The following KIF15 variants were observed in gnomAD, a reference collection of about 807,000 sequenced individuals.
KIF15 encodes the protein kinesin family member 15.
Under a neutral mutation model 190.6 loss-of-function variants are expected in KIF15, and 140 were observed. The observed-to-expected ratio is 0.73, with a 90% CI of 0.64 to 0.84. The LOEUF is 0.84. KIF15 is among the 40% of genes least tolerant of loss of function. The pLI is 0.00. For missense variants in KIF15, 1,372 were observed against 1,584.4 expected, an observed-to-expected ratio of 0.87 and a Z score of 2.28; for synonymous variants, 528 against 551.3, an observed-to-expected ratio of 0.96 and a Z score of 0.59.
Position 44,848,052 on chromosome 3 carries a change from G to T in KIF15, c.3763G>T (p.Ala1255Ser). The T allele has an allele frequency of 6.3e-7, 1 of 1,595,742 alleles. No individual in the cohort carries two copies. The highest frequency in any genetic ancestry group is 8.6e-7 in the Non-Finnish European group (1 of 1,165,454). Residue 1255 changes from alanine to serine, a missense_variant, in exon 31 of 35, where the codon GCA becomes TCA. Transcript: ENST00000326047. ...EQEESIKERL[A>S]KSKIVEEMLK... ...AGAAGAAAGTATCAAAGAAAGACTT[G>T]CAAAAGTAAGATTTTTTTTTATGTA...
intron 1 of KIF15, among the ~76,000 whole-genome samples, chr3:44,762,416 A>G (rs1191449224): frequency 2.6e-5 from 4 of 152,220 alleles, no homozygotes; most frequent in African/African-American, 9.6e-5. Context: ...TTTCACTTAA[A>G]GGAGACCCGT....
intron 20 of KIF15, among the ~76,000 whole-genome samples, chr3:44,820,365 T>G (rs1249320685): frequency 6.6e-6 from 1 of 152,124 alleles, no homozygotes; most frequent in Non-Finnish European, 1.5e-5. Context: ...TTTTATTTAT[T>G]TTTTATTGAT....
rs187591416 is a variant in KIF15, at chr3:44,845,426, T to A, written c.3695+2192T>A. ...AAGCAGTTTTGGAGATGGTGGGAACTACAACGATTTTGGTAATTACAACAA... is the reference window on the plus strand; with the variant it reads ...AAGCAGTTTTGGAGATGGTGGGAACAACAACGATTTTGGTAATTACAACAA... On this transcript the variant is annotated intron_variant, in intron 30 of 34. Coordinates refer to ENST00000326047, the MANE Select transcript of KIF15 (RefSeq NM_020242.3). Among the ~76,000 whole-genome samples the A allele has an allele frequency of 2.0e-5, 3 of 152,010 alleles. No individual in the cohort carries two copies. In the South Asian group the frequency reaches 6.2e-4, roughly 31 times the overall value.
chr3:44,848,623 G>T lies in KIF15; in HGVS notation c.3806+65G>T, dbSNP rs1029940002. The T allele has an allele frequency of 1.1e-5, 8 of 730,238 alleles. No homozygotes were observed. The African/African-American group carries it at 1.5e-4, about 13-fold the overall frequency. The allele number at this position is 730,238 out of a possible 1,614,324, so 45.2% of individuals were successfully genotyped here. ...TTTCCTTATTCTCCTCTAAAGGAAT[G>T]ATATACCACAAGGTAGGTAACTTCT... On this transcript the variant is annotated intron_variant, in intron 32 of 34. Coordinates refer to ENST00000326047, the MANE Select transcript of KIF15 (RefSeq NM_020242.3).
chr3:44,837,197 T>C (rs1698364398), intron 26 of KIF15, among the ~76,000 whole-genome samples: 1 of 152,240 alleles, frequency 6.6e-6, no homozygotes, highest in Non-Finnish European at 1.5e-5. Flanking sequence ...TCTAATCTTA[T>C]AACTGGTAAA....
chr3:44,846,053 A>G (rs915341676), intron 30 of KIF15, among the ~76,000 whole-genome samples: 2 of 152,212 alleles, frequency 1.3e-5, no homozygotes, highest in Non-Finnish European at 2.9e-5. Context: ...TGTTTGTTCT[A>G]AAGAGCCTGT....
At chr3:44,841,344 T>C in intron 29 of KIF15, 106 bp downstream of exon 29, 1 of 743,330 alleles carries the variant, frequency 1.3e-6, no homozygotes, top group Non-Finnish European at 2.2e-6. Context: ...AGCCACCCAG[T>C]ATCTGGCACT....
chr3:44,789,698 GATAC>G (rs1221840769), intron 7 of KIF15, among the ~76,000 whole-genome samples: 2 of 114,606 alleles, frequency 1.7e-5, no homozygotes, highest in Admixed American at 9.1e-5. Context: ...ATATAAAATA[GATAC>G]ATACACATAT....
In KIF15 at chr3:44,842,618, A is replaced by T. The variant is rs957985396; in HGVS notation, c.3586-507A>T. On this transcript the variant is annotated intron_variant, in intron 29 of 34. Transcript: ENST00000326047. ...CCAGATTGCCATGATCTTGAAACTT[A>T]GAAGAAACTGGGTCAGGTGAAACGA... is the stretch of plus-strand genomic sequence containing the variant. 1.2e-4 allele frequency among the ~76,000 whole-genome samples: 18 copies of T among 152,352 alleles called. 1 individual carries two copies. The South Asian group carries it at 2.7e-3, about 23-fold the overall frequency.
Position 44,834,768 on chromosome 3 carries a change from C to CA in KIF15, c.3172-3492dup, listed in dbSNP as rs745642643. Among the ~76,000 whole-genome samples, 1,107 of 120,790 alleles carry CA rather than the reference C, an allele frequency of 9.2e-3. 9 individuals are homozygous for CA. Among genetic ancestry groups the CA allele is most frequent in the African/African-American group, 0.027 (903 of 33,056 alleles). The allele number at this position is 120,790 out of a possible 152,430, so 79.2% of individuals were successfully genotyped here. A position where few individuals can be genotyped will look rare whatever the true frequency, so the allele number is the denominator to read the frequency against. ...TGAAACCCCGTCTCTACTAAAAATACAAAAAAAAAAAAAAATTACCTGGGC... is the reference window on the plus strand; with the variant it reads ...TGAAACCCCGTCTCTACTAAAAATACAAAAAAAAAAAAAAAATTACCTGGGC... On this transcript the variant is annotated intron_variant, in intron 26 of 34. Coordinates refer to ENST00000326047, the MANE Select transcript of KIF15 (RefSeq NM_020242.3).
intron 6 of KIF15, chr3:44,863,506 G>T (rs1699286488): frequency 6.6e-6 from 1 of 152,178 alleles, no homozygotes; most frequent in Non-Finnish European, 1.5e-5. Context: ...TTTCCCTCAG[G>T]CAAGGCTGTG....
intron 4 of KIF15, among the ~76,000 whole-genome samples, chr3:44,778,979 C>CAAAA (rs60269306): frequency 3.9e-3 from 294 of 76,040 alleles, no homozygotes; most frequent in East Asian, 9.6e-3. Flanking sequence ...GACTCCGCCT[C>CAAAA]AAAAAAAAAA....
At chr3:44,782,972 T>C (rs1706234891) in intron 5 of KIF15, among the ~76,000 whole-genome samples, 1 of 152,196 alleles carries the variant, frequency 6.6e-6, no homozygotes, top group African/African-American at 2.4e-5. Context: ...GTGACATTAT[T>C]GGAAGTGTTC....
At chr3:44,795,575 ACG>A (rs1247708853) in intron 8 of KIF15, among the ~76,000 whole-genome samples, 2 of 152,180 alleles carry the variant, frequency 1.3e-5, no homozygotes, top group East Asian at 3.8e-4. Flanking sequence ...ATGACCACTT[ACG>A]CTGTTTAATA....
At chr3:44,852,394 T>C (rs1457594797) in intron 34 of KIF15, 55 bp downstream of exon 34, 16 of 1,514,030 alleles carry the variant, frequency 1.1e-5, no homozygotes, top group Admixed American at 2.0e-5. Context: ...ATGATTATTT[T>C]ATTGAAACCA....
chr3:44,763,159 T>C (rs1176908788), intron 1 of KIF15, among the ~76,000 whole-genome samples: 1 of 152,140 alleles, frequency 6.6e-6, no homozygotes, highest in East Asian at 1.9e-4. Flanking sequence ...TTGGCAAAAT[T>C]GAGGTTGATG....
In KIF15 at chr3:44,841,179, C is replaced by A. The variant is rs867772240; in HGVS notation, c.3526C>A (p.Leu1176Ile). The change falls in exon 29 of 35, where the codon CTT becomes ATT. Residue 1176 changes from leucine to isoleucine, a missense_variant. Leu to Ile is a conservative substitution (Grantham distance 5). Coordinates refer to ENST00000326047, the MANE Select transcript of KIF15 (RefSeq NM_020242.3). The part of the protein sequence containing the change: ...GRASKTSLEH[L>I]VTKLNEDREV... The stretch of plus-strand genomic sequence containing the variant: ...AGCCTCTAAGACTTCTTTGGAACAC[C>A]TTGTAACAAAGCTAAATGAAGACAG... 6.2e-7 allele frequency: 1 copy of A among 1,613,132 alleles called. No homozygotes were observed. The highest frequency in any genetic ancestry group is 8.5e-7 in the Non-Finnish European group (1 of 1,179,358).
intron 31 of KIF15, among the ~76,000 whole-genome samples, chr3:44,848,266 C>G (rs1285620326): frequency 6.6e-6 from 1 of 152,254 alleles, no homozygotes; most frequent in African/African-American, 2.4e-5. Flanking sequence ...AAGCCTACTG[C>G]TCAGCATGCA....
At chr3:44,839,378 A>G (rs1361757079) in intron 27 of KIF15, among the ~76,000 whole-genome samples, 1 of 152,192 alleles carries the variant, frequency 6.6e-6, no homozygotes, top group Non-Finnish European at 1.5e-5. Context: ...ATCTCAAAAA[A>G]AAAAGAAAAG....
Sources: gnomAD v4.1 joint callset for allele counts (sites outside exome capture counted in the v4.1 genomes callset) on GRCh38, gnomAD v4.1.1 for gene constraint, MANE v1.5 for transcripts, NCBI Gene and HGNC (gene_info 2026-07-23, HGNC 2026-07-21) for gene names.